Variants in SPAG6 observed in about 807,000 individuals in gnomAD.
SPAG6 encodes sperm-associated antigen 6.
SPAG6 carries 49 observed loss-of-function variants against 58.5 expected under a neutral mutation model. The observed-to-expected ratio is 0.84, with a 90% CI of 0.67 to 1.06. The LOEUF (loss-of-function observed/expected upper bound fraction) is 1.06, where lower values mean the gene tolerates loss of function less well. SPAG6 is among the 50% of genes least tolerant of loss of function. SPAG6 has a pLI of 0.00. For missense variants in SPAG6, 560 were observed against 611.3 expected (o/e 0.92, Z 0.89); for synonymous variants, 233 against 225.6 (o/e 1.03, Z -0.29).
At chr10:22,368,032 T>C (rs575543279) in intron 3 of SPAG6, among the ~76,000 whole-genome samples, 58 of 152,288 alleles carry the variant, frequency 3.8e-4, no homozygotes, top group Non-Finnish European at 6.2e-4. Flanking sequence ...GAAAGATTAG[T>C]TGAGGTCATG....
intron 4 of SPAG6, among the ~76,000 whole-genome samples, chr10:22,379,757 TAACTA>T (rs1162049412): frequency 6.6e-6 from 1 of 152,242 alleles, no homozygotes; most frequent in Non-Finnish European, 1.5e-5. Flanking sequence ...TAGCAGTAGA[TAACTA>T]AACCAGTTGT....
At chr10:22,349,158 G>C (rs1836648690) in intron 2 of SPAG6, among the ~76,000 whole-genome samples, 1 of 151,780 alleles carries the variant, frequency 6.6e-6, no homozygotes, top group African/African-American at 2.4e-5. Context: ...TAGTAAGTTT[G>C]ATTTCTAAAC....
chr10:22,352,394 T>A (rs547010830), intron 2 of SPAG6, among the ~76,000 whole-genome samples: 3 of 152,104 alleles, frequency 2.0e-5, no homozygotes, highest in African/African-American at 4.8e-5. Context: ...TTAAAAAAAA[T>A]TGAGGGATTA....
intron 4 of SPAG6, among the ~76,000 whole-genome samples, chr10:22,380,900 A>AT (rs1173899359): frequency 6.6e-6 from 1 of 151,842 alleles, no homozygotes; most frequent in African/African-American, 2.4e-5. Context: ...CTGGATACAT[A>AT]TTTTTTTCTT....
chr10:22,346,414 C>G (rs1836530258), intron 2 of SPAG6, among the ~76,000 whole-genome samples: 1 of 145,078 alleles, frequency 6.9e-6, no homozygotes, highest in South Asian at 2.2e-4. Flanking sequence ...ATAACATAAA[C>G]TGATAAGAGA....
chr10:22,414,487 T>G (rs974195716), intron 10 of SPAG6, among the ~76,000 whole-genome samples: 10 of 152,182 alleles, frequency 6.6e-5, no homozygotes, highest in African/African-American at 1.9e-4. Context: ...AGGTAATAGT[T>G]AACCCCTTTA....
chr10:22,357,395 T>C (rs1836898095), intron 2 of SPAG6, among the ~76,000 whole-genome samples: 3 of 152,160 alleles, frequency 2.0e-5, no homozygotes, highest in African/African-American at 7.2e-5. Context: ...TTGATAGATA[T>C]ATCTTGAATG....
At chr10:22,414,766 AAATT>A (rs776892144) in intron 10 of SPAG6, among the ~76,000 whole-genome samples, 4 of 152,120 alleles carry the variant, frequency 2.6e-5, no homozygotes, top group Admixed American at 6.6e-5. Flanking sequence ...CCATTTTCTT[AAATT>A]AATTAATTTT....
Position 22,345,943 on chromosome 10 carries a change from C to A in SPAG6, c.121+125C>A, listed in dbSNP as rs771580208. The A allele has an allele frequency of 3.2e-6, 5 of 1,559,498 alleles. No homozygotes were observed. In the South Asian group the frequency reaches 5.9e-5, roughly 18 times the overall value. ...TGGGGACCGGAGTTCGCAAAAGCAT[C>A]CATTCTTTTCAGCGGGTCTTTGGGG... On this transcript the variant is annotated intron_variant, in intron 2 of 10. Coordinates refer to ENST00000376624, the MANE Select transcript of SPAG6 (RefSeq NM_012443.4). The surrounding 1 kb of genome is among the most constrained non-coding windows in gnomAD (Gnocchi z 6.3).
intron 8 of SPAG6, among the ~76,000 whole-genome samples, chr10:22,399,618 A>G (rs1265711109): frequency 6.6e-6 from 1 of 152,248 alleles, no homozygotes. Flanking sequence ...ATATAATCAT[A>G]AGCTGATTAT....
At chr10:22,410,182 C>A (rs968549034) in intron 9 of SPAG6, among the ~76,000 whole-genome samples, 2 of 152,190 alleles carry the variant, frequency 1.3e-5, no homozygotes, top group African/African-American at 4.8e-5. Context: ...TCTAACATTT[C>A]AGTCCCCTTT....
chr10:22,392,723 C>T (rs1407719994), intron 8 of SPAG6, among the ~76,000 whole-genome samples: 1 of 151,790 alleles, frequency 6.6e-6, no homozygotes, highest in Non-Finnish European at 1.5e-5. Flanking sequence ...AATAGGAAAA[C>T]AATTTGGTGA....
chr10:22,387,063 A>G, intron 5 of SPAG6, 104 bp downstream of exon 5: 1 of 821,198 alleles, frequency 1.2e-6, no homozygotes, highest in Non-Finnish European at 2.0e-6. Flanking sequence ...TTAGCAAATT[A>G]TCATTGAAAA....
At chr10:22,406,278 G>A (rs1834552199) in intron 9 of SPAG6, among the ~76,000 whole-genome samples, 1 of 151,886 alleles carries the variant, frequency 6.6e-6, no homozygotes, top group South Asian at 2.1e-4. Flanking sequence ...GGCATTTAGT[G>A]CTATAAATTT....
At chr10:22,384,557 A>G (rs1353722107) in intron 4 of SPAG6, among the ~76,000 whole-genome samples, 1 of 152,222 alleles carries the variant, frequency 6.6e-6, no homozygotes, top group Non-Finnish European at 1.5e-5. Flanking sequence ...AGCTAGGAGA[A>G]CAATACTTCT....
At chr10:22,394,878 T>C (rs2132093025) in intron 8 of SPAG6, among the ~76,000 whole-genome samples, 1 of 152,236 alleles carries the variant, frequency 6.6e-6, no homozygotes, top group Non-Finnish European at 1.5e-5. Flanking sequence ...GGCTAATTAA[T>C]TTTTTCTTTT....
intron 2 of SPAG6, among the ~76,000 whole-genome samples, chr10:22,346,432 T>TCTTCTTCTTCTTCTTCTC (rs1836534242): frequency 1.1e-5 from 1 of 92,116 alleles, no homozygotes; most frequent in East Asian, 3.0e-4. Context: ...AGAAAATGGT[T>TCTTCTTCTTCTTCTTCTC]CTTCTTCTTC....
chr10:22,400,821 T>C (rs1436698097), intron 8 of SPAG6, among the ~76,000 whole-genome samples: 2 of 152,182 alleles, frequency 1.3e-5, no homozygotes, highest in African/African-American at 4.8e-5. Context: ...ATTAGTTATC[T>C]CAGTTTCCTG....
chr10:22,345,642 G>A lies in SPAG6; in HGVS notation c.25+6G>A. The A allele has an allele frequency of 6.5e-7, 1 of 1,548,280 alleles. No individual in the cohort carries two copies. The highest frequency in any genetic ancestry group is 8.7e-7 in the Non-Finnish European group (1 of 1,147,426). ...TCAGAGGCAGGTGCTGCAAGGTAGG[G>A]CCGAGGCGGGCAGGTGCCCTAACTA... On this transcript the variant is annotated splice_donor_region_variant and intron_variant, in intron 1 of 10. Transcript: ENST00000376624. This position sits in a 1 kb window ranked among gnomAD's most constrained non-coding sequence, Gnocchi z 6.3.
Sources: gnomAD v4.1 joint callset for allele counts (sites outside exome capture counted in the v4.1 genomes callset) on GRCh38, gnomAD v4.1.1 for gene constraint, Gnocchi (gnomAD v3.1) non-coding constraint, MANE v1.5 for transcripts, NCBI Gene and HGNC (gene_info 2026-07-23, HGNC 2026-07-21) for gene names.